Variants in CLIP4 observed in about 807,000 individuals in gnomAD.
The protein encoded by CLIP4 is CAP-Gly domain-containing linker protein 4.
A neutral mutation model predicts 73.1 loss-of-function variants in CLIP4; 47 were observed. The ratio of observed to expected loss-of-function variants is 0.64; its 90% CI spans 0.51 to 0.82. CLIP4 has a LOEUF of 0.82. Ranked by LOEUF, CLIP4 falls within the 40% of genes least tolerant of loss-of-function variation. CLIP4 has a pLI of 0.00. For synonymous variants in CLIP4, 306 were observed against 295.4 expected (o/e 1.04, Z -0.37); for missense variants, 874 against 852.9 (o/e 1.02, Z -0.31).
chr2:29,113,665 T>C (rs909327728), upstream of CLIP4, among the ~76,000 whole-genome samples: 2 of 152,186 alleles, frequency 1.3e-5, no homozygotes, highest in East Asian at 3.9e-4. The surrounding 1 kb of genome is among the most constrained non-coding windows in gnomAD (Gnocchi z 4.0). Flanking sequence ...CTAACAGAGA[T>C]CTTTATTATA....
chr2:29,158,308 A>G (rs891848353), intron 11 of CLIP4, among the ~76,000 whole-genome samples: 2 of 152,070 alleles, frequency 1.3e-5, no homozygotes, highest in African/African-American at 2.4e-5. Flanking sequence ...GGCCCCCTTC[A>G]TTTGGTATTT....
intron 14 of CLIP4, 115 bp from the exon 15 acceptor site, chr2:29,174,258 T>C: frequency 2.1e-6 from 2 of 945,772 alleles, no homozygotes; most frequent in South Asian, 3.4e-5. Context: ...GCCTGCTGTT[T>C]TGAAAGAAAC....
chr2:29,156,286 C>A, intron 9 of CLIP4, 68 bp from the exon 10 acceptor site: 1 of 1,091,436 alleles, frequency 9.2e-7, no homozygotes, highest in Non-Finnish European at 1.3e-6. Flanking sequence ...GATGCATGTA[C>A]TTTAAAAAAT....
At chr2:29,139,593 T>C (rs1482345635) in intron 6 of CLIP4, among the ~76,000 whole-genome samples, 1 of 152,190 alleles carries the variant, frequency 6.6e-6, no homozygotes, top group Non-Finnish European at 1.5e-5. Context: ...AGAATTTGGC[T>C]GTGAATCCAT....
intron 8 of CLIP4, among the ~76,000 whole-genome samples, chr2:29,147,299 T>C (rs1026159589): frequency 1.3e-5 from 2 of 152,116 alleles, no homozygotes; most frequent in Non-Finnish European, 2.9e-5. Context: ...CCAGTAAAAA[T>C]TGGGATATTA....
At chr2:29,170,455 TTC>T (rs577546527) in intron 14 of CLIP4, among the ~76,000 whole-genome samples, 35 of 152,330 alleles carry the variant, frequency 2.3e-4, no homozygotes, top group South Asian at 6.2e-4. Context: ...CATTTTAAAA[TTC>T]TGTTTGCTAT....
chr2:29,151,972 T>G (rs543950744), intron 8 of CLIP4, among the ~76,000 whole-genome samples: 46 of 152,228 alleles, frequency 3.0e-4, no homozygotes, highest in Non-Finnish European at 1.3e-4. Flanking sequence ...CTCCCCAAAG[T>G]ACACTGTATT....
intron 14 of CLIP4, among the ~76,000 whole-genome samples, chr2:29,169,608 C>CT (rs919351372): frequency 6.6e-6 from 1 of 151,932 alleles, no homozygotes; most frequent in Non-Finnish European, 1.5e-5. Context: ...TTTGCCATCT[C>CT]TTTTTTGTAT....
At chr2:29,101,077 A>G (rs1401558536) in intron 1 of CLIP4, among the ~76,000 whole-genome samples, 1 of 151,980 alleles carries the variant, frequency 6.6e-6, no homozygotes, top group Non-Finnish European at 1.5e-5. Flanking sequence ...GATCACCTGA[A>G]GTAGGAGTTT....
intron 15 of CLIP4, among the ~76,000 whole-genome samples, chr2:29,176,073 T>G (rs1668326754): frequency 6.6e-6 from 1 of 152,240 alleles, no homozygotes; most frequent in Non-Finnish European, 1.5e-5. Flanking sequence ...GAATAAACTT[T>G]TTAAATTATT....
chr2:29,175,173 C>G (rs1433753511), intron 15 of CLIP4, among the ~76,000 whole-genome samples: 1 of 152,116 alleles, frequency 6.6e-6, no homozygotes, highest in Non-Finnish European at 1.5e-5. Context: ...TGATGTCCCA[C>G]TGTGGATAGG....
At chr2:29,161,464 G>A (rs1667287076) in intron 12 of CLIP4, among the ~76,000 whole-genome samples, 1 of 152,030 alleles carries the variant, frequency 6.6e-6, no homozygotes, top group African/African-American at 2.4e-5. Flanking sequence ...AGAACTATGA[G>A]GGATCTGAGA....
At chr2:29,110,297 A>C (rs1668352801) in intron 1 of CLIP4, among the ~76,000 whole-genome samples, 1 of 152,056 alleles carries the variant, frequency 6.6e-6, no homozygotes, top group African/African-American at 2.4e-5. Context: ...GACAAAGGAG[A>C]TGGATTAGAG....
chr2:29,103,723 T>A (rs150097840), intron 1 of CLIP4, among the ~76,000 whole-genome samples: 401 of 152,096 alleles, frequency 2.6e-3, no homozygotes, highest in African/African-American at 9.2e-3. Flanking sequence ...TGGTTTTGTT[T>A]ATTTTTTGAG....
intron 1 of CLIP4, among the ~76,000 whole-genome samples, chr2:29,118,935 T>C (rs1664066251): frequency 6.6e-6 from 1 of 152,198 alleles, no homozygotes; most frequent in Non-Finnish European, 1.5e-5. Flanking sequence ...ATCAGTATAC[T>C]TAGACATTTG....
chr2:29,161,443 G>A (rs953267350), intron 12 of CLIP4, among the ~76,000 whole-genome samples: 4 of 151,956 alleles, frequency 2.6e-5, no homozygotes, highest in Admixed American at 1.3e-4. Context: ...AAAGTTTGTA[G>A]CATTTAGCCA....
rs10181355 is a variant in CLIP4, at chr2:29,182,267, G to A, written c.*374G>A. 8.7e-3 allele frequency: 1,414 copies of A among 161,718 alleles called. 15 individuals are homozygous for A. The highest frequency in any genetic ancestry group is 0.031 in the African/African-American group (1,306 of 41,754). The allele number at this position is 161,718 out of a possible 1,614,324, so 10.0% of individuals were successfully genotyped here. A position where few individuals can be genotyped will look rare whatever the true frequency, so the allele number is the denominator to read the frequency against. ...ATTGTGAAGGGTTTCTCTAGCTTTG[G>A]TTATGTGTAATGTTCACGTGACCTT... On this transcript the variant is annotated 3_prime_UTR_variant, in exon 16 of 16. Transcript: ENST00000320081.
At chr2:29,171,311 A>C (rs1363014017) in intron 14 of CLIP4, among the ~76,000 whole-genome samples, 2 of 152,002 alleles carry the variant, frequency 1.3e-5, no homozygotes, top group African/African-American at 4.8e-5. Context: ...GACTTTGTAC[A>C]TGTTTTGTTA....
chr2:29,129,457 GTA>G lies in CLIP4; in HGVS notation c.134-1798_134-1797del, dbSNP rs200322993. 6.0e-3 allele frequency among the ~76,000 whole-genome samples: 917 copies of G among 151,748 alleles called. 6 individuals carry two copies. The highest frequency in any genetic ancestry group is 0.027 in the Middle Eastern group (8 of 294). On this transcript the variant is annotated intron_variant, in intron 2 of 15. Transcript: ENST00000320081. ...CTATAAGATCTCTGTGTCTGTTTGTGTATACAGACAGACACAGAGATCTTATA... is the reference window on the plus strand; with the variant it reads ...CTATAAGATCTCTGTGTCTGTTTGTGTACAGACAGACACAGAGATCTTATA...
Sources: gnomAD v4.1 joint callset for allele counts (sites outside exome capture counted in the v4.1 genomes callset) on GRCh38, gnomAD v4.1.1 for gene constraint, Gnocchi (gnomAD v3.1) non-coding constraint, MANE v1.5 for transcripts, NCBI Gene and HGNC (gene_info 2026-07-23, HGNC 2026-07-21) for gene names.